Variants in ROBO2 observed in about 807,000 individuals in gnomAD.
ROBO2 encodes the protein roundabout homolog 2.
In ROBO2, 53 loss-of-function variants were observed where a neutral mutation model predicts 160.8. The ratio of observed to expected loss-of-function variants is 0.33; its 90% confidence interval spans 0.26 to 0.41. ROBO2 has a LOEUF of 0.41. Ranked by LOEUF, ROBO2 falls within the 10% of genes least tolerant of loss-of-function variation. ROBO2 has a pLI of 1.00. For missense variants in ROBO2, 1,577 were observed against 1,722.4 expected (o/e 0.92, Z 1.49); for synonymous variants, 664 against 611.7 (o/e 1.09, Z -1.26).
intron 2 of ROBO2, among the ~76,000 whole-genome samples, chr3:76,018,793 T>C (rs868109263): frequency 1.3e-5 from 2 of 151,672 alleles, no homozygotes; most frequent in Admixed American, 6.6e-5. Flanking sequence ...AATATTTGCA[T>C]TGTGGCCTCC....
At chr3:76,341,955 TA>T (rs1350698675) in intron 2 of ROBO2, among the ~76,000 whole-genome samples, 1 of 152,168 alleles carries the variant, frequency 6.6e-6, no homozygotes, top group Non-Finnish European at 1.5e-5. Flanking sequence ...CACTTATAGT[TA>T]GGGGCGTATA....
chr3:76,478,019 T>TTTATTATTATTATTATTATTATTA (rs147308707), intron 2 of ROBO2, among the ~76,000 whole-genome samples: 28 of 148,918 alleles, frequency 1.9e-4, no homozygotes, highest in African/African-American at 6.7e-4. Flanking sequence ...CCGCTACTTC[T>TTTATTATTATTATTATTATTATTA]TTATTATTAT....
intron 19 of ROBO2, among the ~76,000 whole-genome samples, chr3:77,598,825 G>T (rs2094369948): frequency 6.6e-6 from 1 of 152,058 alleles, no homozygotes. Flanking sequence ...GACTGATTTT[G>T]TCAAAAGGAA....
At chr3:76,370,401 G>C (rs1483877177) in intron 2 of ROBO2, among the ~76,000 whole-genome samples, 5 of 151,884 alleles carry the variant, frequency 3.3e-5, no homozygotes, top group Admixed American at 6.6e-5. Flanking sequence ...CAAGAAGAAA[G>C]AATAAATGCT....
At chr3:76,175,040 G>C (rs1485594866) in intron 2 of ROBO2, among the ~76,000 whole-genome samples, 3 of 151,930 alleles carry the variant, frequency 2.0e-5, no homozygotes, top group Non-Finnish European at 4.4e-5. Context: ...TTATTTTATT[G>C]AGCAGTGGTT....
At chr3:76,796,272 C>T (rs758599306) in intron 2 of ROBO2, among the ~76,000 whole-genome samples, 9 of 151,970 alleles carry the variant, frequency 5.9e-5, no homozygotes, top group Non-Finnish European at 8.8e-5. Context: ...GCTACCTAAT[C>T]TAACCTGAAA....
At chr3:76,487,630 G>A (rs1445750320) in intron 2 of ROBO2, among the ~76,000 whole-genome samples, 1 of 152,086 alleles carries the variant, frequency 6.6e-6, no homozygotes, top group Admixed American at 6.6e-5. Flanking sequence ...TTCGAGCCTA[G>A]TTTACTTAGG....
intron 1 of ROBO2, among the ~76,000 whole-genome samples, chr3:77,086,049 T>A (rs1004152529): frequency 5.9e-5 from 9 of 152,090 alleles, no homozygotes; most frequent in Admixed American, 5.9e-4. Context: ...ATTCCAAGAT[T>A]TTTATAATGA....
chr3:76,689,313 T>C (rs1472154527), intron 2 of ROBO2, among the ~76,000 whole-genome samples: 2 of 152,092 alleles, frequency 1.3e-5, no homozygotes, highest in Non-Finnish European at 2.9e-5. Flanking sequence ...CTTGTACTAG[T>C]GAAGCTTAAT....
intron 2 of ROBO2, among the ~76,000 whole-genome samples, chr3:77,152,642 C>T (rs1305471631): frequency 1.3e-5 from 2 of 152,220 alleles, no homozygotes; most frequent in Non-Finnish European, 2.9e-5. Context: ...TTCCTTTCAA[C>T]AAGATCCCGA....
At chr3:77,333,646 C>G (rs973252838) in intron 2 of ROBO2, among the ~76,000 whole-genome samples, 1 of 152,048 alleles carries the variant, frequency 6.6e-6, no homozygotes, top group Non-Finnish European at 1.5e-5. Context: ...ATCACATATG[C>G]CTAAATTTTT....
At chr3:76,984,650 G>A (rs1489312836) in intron 2 of ROBO2, among the ~76,000 whole-genome samples, 1 of 151,862 alleles carries the variant, frequency 6.6e-6, no homozygotes, top group Non-Finnish European at 1.5e-5. Context: ...GGGAAGCCCT[G>A]GATCTAAAAC....
chr3:77,174,100 C>T (rs1277589497), intron 2 of ROBO2, among the ~76,000 whole-genome samples: 1 of 152,022 alleles, frequency 6.6e-6, no homozygotes, highest in Non-Finnish European at 1.5e-5. Flanking sequence ...TCACTTTCTT[C>T]CCATGAGTAC....
chr3:75,993,019 A>T (rs2065619086), intron 2 of ROBO2, among the ~76,000 whole-genome samples: 1 of 152,102 alleles, frequency 6.6e-6, no homozygotes, highest in South Asian at 2.1e-4. Context: ...CTTGATTTTG[A>T]TTTTACAACC....
chr3:77,098,499 G>A (rs937057351), intron 2 of ROBO2, among the ~76,000 whole-genome samples, 159 bp downstream of exon 2: 2 of 152,116 alleles, frequency 1.3e-5, no homozygotes, highest in Non-Finnish European at 2.9e-5. Flanking sequence ...ATAGTATCAA[G>A]CCAGGGTGTT....
intron 2 of ROBO2, among the ~76,000 whole-genome samples, chr3:76,682,060 GAAGT>G (rs2092577239): frequency 2.6e-5 from 4 of 152,118 alleles, no homozygotes; most frequent in African/African-American, 4.8e-5. Flanking sequence ...TGCCAGATGT[GAAGT>G]AAGAGCCAGT....
intron 2 of ROBO2, among the ~76,000 whole-genome samples, chr3:77,423,327 A>G (rs947384284): frequency 3.9e-5 from 6 of 152,148 alleles, no homozygotes; most frequent in African/African-American, 1.4e-4. Flanking sequence ...TTTTATAAGA[A>G]GTAGACCTTT....
intron 2 of ROBO2, among the ~76,000 whole-genome samples, chr3:76,642,248 C>T (rs2090718330): frequency 6.6e-6 from 1 of 151,432 alleles, no homozygotes; most frequent in African/African-American, 2.4e-5. Flanking sequence ...TAGAACATTC[C>T]AGAGCCGACA....
At chr3:76,839,139 A>G (rs922633073) in intron 2 of ROBO2, among the ~76,000 whole-genome samples, 1 of 152,132 alleles carries the variant, frequency 6.6e-6, no homozygotes, top group Non-Finnish European at 1.5e-5. Context: ...CACTCAAATT[A>G]TTACTTTCTA....
Sources: gnomAD v4.1 joint callset for allele counts (sites outside exome capture counted in the v4.1 genomes callset) on GRCh38, gnomAD v4.1.1 for gene constraint, MANE v1.5 for transcripts, NCBI Gene and HGNC (gene_info 2026-07-23, HGNC 2026-07-21) for gene names.